Variants in MAP2K5 observed in about 807,000 individuals in gnomAD.
MAP2K5 encodes the protein dual specificity mitogen-activated protein kinase kinase 5.
MAP2K5 carries 49 observed loss-of-function variants against 83.1 expected under a neutral mutation model. The ratio of observed to expected loss-of-function variants is 0.59; its 90% CI spans 0.47 to 0.75. The LOEUF (loss-of-function observed/expected upper bound fraction) is 0.75. Among genes scored for constraint, MAP2K5 ranks in the 30% least tolerant of loss-of-function variants. MAP2K5 has a pLI of 0.00. For missense variants in MAP2K5, 457 were observed against 557.5 expected, an observed-to-expected ratio of 0.82 and a Z score of 1.82; for synonymous variants, 202 against 191.8, an observed-to-expected ratio of 1.05 and a Z score of -0.44.
At chr15:67,544,356 A>T (rs2084352647) in intron 1 of MAP2K5, among the ~76,000 whole-genome samples, 1 of 152,206 alleles carries the variant, frequency 6.6e-6, no homozygotes. Context: ...TTACATTCAG[A>T]TTTTTCAGAA....
rs528188325 is a variant in MAP2K5 at position 67,666,163 on chromosome 15, T to A, written c.847+1518T>A. On this transcript the variant is annotated intron_variant, in intron 13 of 21. Transcript: ENST00000178640. ...TGTTGTTAGAAAGTGAGTGTTAGGATCATCCTGTCTCTGGGCATACAGGTT... is the reference window on the plus strand; with the variant it reads ...TGTTGTTAGAAAGTGAGTGTTAGGAACATCCTGTCTCTGGGCATACAGGTT... 5.3e-4 allele frequency among the ~76,000 whole-genome samples: 80 copies of A among 152,320 alleles called. 1 individual carries two copies. In the South Asian group the frequency reaches 5.4e-3, roughly 10 times the overall value.
At chr15:67,693,447 A>G (rs2088166250) in intron 14 of MAP2K5, 71 bp from the exon 15 acceptor site, 14 of 1,186,178 alleles carry the variant, frequency 1.2e-5, no homozygotes, top group Admixed American at 7.5e-5. Context: ...TGTAGGTTAA[A>G]TGAGGAATAA....
In MAP2K5 at chr15:67,747,613, A is replaced by T. The variant is rs571634438; in HGVS notation, c.1075-618A>T. ...TTACTGGACTCTGCATTTATTCCCT[A>T]AAAATCAGTGTGAAACTTCCATGAA... On this transcript the variant is annotated intron_variant, in intron 17 of 21. Transcript: ENST00000178640. The surrounding 1 kb of genome is among the most constrained non-coding windows in gnomAD (Gnocchi z 4.1). Among the ~76,000 whole-genome samples, 11 of 152,294 alleles carry T rather than the reference A, an allele frequency of 7.2e-5. No homozygotes were observed. The highest frequency in any genetic ancestry group is 2.4e-4 in the African/African-American group (10 of 41,558).
chr15:67,586,863 A>G lies in MAP2K5; in HGVS notation c.381A>G (p.Gly127=), dbSNP rs761702013. 1 of 1,614,058 alleles carries G rather than the reference A, an allele frequency of 6.2e-7. No homozygotes were observed. Among genetic ancestry groups the G allele is most frequent in the East Asian group, 2.2e-5 (1 of 44,860 alleles). The change falls in exon 6 of 22, where the codon GGA becomes GGG. Residue 127 remains glycine, a synonymous_variant. Coordinates refer to ENST00000178640, the MANE Select transcript of MAP2K5 (RefSeq NM_145160.3). The part of the protein sequence containing the change: ...IHGLKVNTRA[G]PSQHSSPAVS... ...ACTTATAGGTGAATACTCGGGCCGGACCCTCTCAACACAGCAGCCCAGCAG... is the reference window on the plus strand; with the variant it reads ...ACTTATAGGTGAATACTCGGGCCGGGCCCTCTCAACACAGCAGCCCAGCAG...
chr15:67,769,687 A>G lies in MAP2K5; in HGVS notation c.1196+24A>G, dbSNP rs2090105472. 1.2e-6 allele frequency: 2 copies of G among 1,611,492 alleles called. No homozygotes were observed. Among genetic ancestry groups the G allele is most frequent in the Non-Finnish European group, 1.7e-6 (2 of 1,177,860 alleles). On this transcript the variant is annotated intron_variant, in intron 20 of 21. Transcript: ENST00000178640. The surrounding 1 kb of genome is among the most constrained non-coding windows in gnomAD (Gnocchi z 5.2). ...TGGTGAGCCCGTTTACAAACATGCC[A>G]TGCCCTCAATGTAAATGATACATGC...
chr15:67,684,268 A>G (rs1469049450), intron 13 of MAP2K5, among the ~76,000 whole-genome samples: 1 of 152,082 alleles, frequency 6.6e-6, no homozygotes, highest in African/African-American at 2.4e-5. Context: ...AGTTGGGAAT[A>G]TTTTAAATTC....
intron 17 of MAP2K5, among the ~76,000 whole-genome samples, chr15:67,732,242 G>T (rs1429623578): frequency 6.6e-6 from 1 of 152,102 alleles, no homozygotes; most frequent in Non-Finnish European, 1.5e-5. Context: ...ACATAATGGT[G>T]GGCAATGGTT....
At chr15:67,699,893 A>C (rs1467959419) in intron 15 of MAP2K5, among the ~76,000 whole-genome samples, 3 of 151,812 alleles carry the variant, frequency 2.0e-5, no homozygotes, top group African/African-American at 7.3e-5. Context: ...TGGAAGACAG[A>C]TCTGAATTCA....
At chr15:67,567,398 C>T (rs1409982849) in intron 3 of MAP2K5, among the ~76,000 whole-genome samples, 7 of 149,066 alleles carry the variant, frequency 4.7e-5, no homozygotes, top group Non-Finnish European at 8.9e-5. Flanking sequence ...CGCTCTGTCG[C>T]CCAGGCCGGA....
intron 11 of MAP2K5, among the ~76,000 whole-genome samples, chr15:67,648,554 T>C (rs2086880327): frequency 1.4e-5 from 2 of 148,052 alleles, no homozygotes. Context: ...TACAAGTTTT[T>C]GTGTGGACAT....
intron 21 of MAP2K5, among the ~76,000 whole-genome samples, chr15:67,795,594 A>G (rs1208625425): frequency 6.6e-6 from 1 of 152,238 alleles, no homozygotes; most frequent in Non-Finnish European, 1.5e-5. Flanking sequence ...TATGTATAAC[A>G]TCAGATCTTT....
At chr15:67,739,090 G>A (rs949068188) in intron 17 of MAP2K5, among the ~76,000 whole-genome samples, 12 of 151,858 alleles carry the variant, frequency 7.9e-5, no homozygotes, top group African/African-American at 2.9e-4. Context: ...GACCAGCCTG[G>A]GCAACACAGG....
intron 21 of MAP2K5, among the ~76,000 whole-genome samples, chr15:67,805,860 G>T (rs2141353110): frequency 6.6e-6 from 1 of 152,312 alleles, no homozygotes; most frequent in African/African-American, 2.4e-5. Context: ...CCCTGGGGTT[G>T]TCCCTGCTTT....
intron 16 of MAP2K5, among the ~76,000 whole-genome samples, chr15:67,726,749 A>G (rs781250883): frequency 6.6e-6 from 1 of 152,196 alleles, no homozygotes; most frequent in Non-Finnish European, 1.5e-5. Flanking sequence ...ATGCTCTCTT[A>G]GATCCATTAG....
intron 16 of MAP2K5, among the ~76,000 whole-genome samples, chr15:67,704,817 A>G (rs899153824): frequency 6.6e-6 from 1 of 152,148 alleles, no homozygotes; most frequent in Non-Finnish European, 1.5e-5. Context: ...TTCCTTTTGC[A>G]TATTTTAAAT....
chr15:67,759,396 A>G (rs2089905064), intron 19 of MAP2K5, among the ~76,000 whole-genome samples: 1 of 148,886 alleles, frequency 6.7e-6, no homozygotes, highest in Non-Finnish European at 1.5e-5. Flanking sequence ...CGATCTCTAC[A>G]AAAAAAAACA....
At chr15:67,580,554 G>A (rs1465961478) in intron 3 of MAP2K5, among the ~76,000 whole-genome samples, 200 bp from the exon 4 acceptor site, 2 of 152,152 alleles carry the variant, frequency 1.3e-5, no homozygotes, top group African/African-American at 4.8e-5. Context: ...ATAAATGCCA[G>A]GGTGAAGGCT....
intron 21 of MAP2K5, among the ~76,000 whole-genome samples, chr15:67,776,586 A>G (rs1335769521): frequency 6.6e-6 from 1 of 152,182 alleles, no homozygotes; most frequent in African/African-American, 2.4e-5. Flanking sequence ...AAAACATAAA[A>G]ATCAGACCCT....
In MAP2K5 at chr15:67,801,629, A is replaced by G. The variant is rs772044830; in HGVS notation, c.1243-5017A>G. On this transcript the variant is annotated intron_variant, in intron 21 of 21. Coordinates refer to ENST00000178640, the MANE Select transcript of MAP2K5 (RefSeq NM_145160.3). The surrounding 1 kb of genome is among the most constrained non-coding windows in gnomAD (Gnocchi z 4.8). Reference sequence around the variant, plus strand: ...TTTCTCCATGACCTTGCCACATAATATCAAGCTTCCTAGAGCTTTAGTTTC... The same window carrying G: ...TTTCTCCATGACCTTGCCACATAATGTCAAGCTTCCTAGAGCTTTAGTTTC... 6.6e-6 allele frequency among the ~76,000 whole-genome samples: 1 copy of G among 152,190 alleles called. No homozygotes were observed. Among genetic ancestry groups the G allele is most frequent in the African/African-American group, 2.4e-5 (1 of 41,440 alleles).
Sources: allele counts gnomAD v4.1 joint callset (sites outside exome capture counted in the v4.1 genomes callset), GRCh38; gene constraint gnomAD v4.1.1; non-coding constraint Gnocchi (gnomAD v3.1); transcripts MANE v1.5; gene names NCBI Gene and HGNC (gene_info 2026-07-23, HGNC 2026-07-21).